The following SBF2 variants were observed in gnomAD, a reference collection of about 807,000 sequenced individuals.
SBF2 encodes myotubularin-related protein 13.
A neutral mutation model predicts 225.2 loss-of-function variants in SBF2; 112 were observed. That is an observed-to-expected ratio of 0.50 (90% CI 0.43 to 0.58). The LOEUF is 0.58. Among genes scored for constraint, SBF2 ranks in the 20% least tolerant of loss-of-function variants. The probability of loss-of-function intolerance (pLI) is 0.00; values close to 1 mark genes in which losing one functional copy is unlikely to be tolerated. For missense variants in SBF2, 1,996 were observed against 2,206.2 expected (o/e 0.90, Z 1.91); for synonymous variants, 763 against 773.3 (o/e 0.99, Z 0.22).
At chr11:9,817,424 A>G (rs796082829) in intron 28 of SBF2, among the ~76,000 whole-genome samples, 3 of 152,316 alleles carry the variant, frequency 2.0e-5, no homozygotes, top group African/African-American at 7.2e-5. Flanking sequence ...CTTCATGAAA[A>G]AAGTAAGGAA....
At chr11:9,929,000 C>T (rs1864273261) in intron 16 of SBF2, 3 of 482,172 alleles carry the variant, frequency 6.2e-6, no homozygotes, top group South Asian at 1.6e-5. Context: ...ATGCATTTGG[C>T]CCAGGAACTG....
At chr11:10,030,983 C>A in intron 4 of SBF2, 65 bp downstream of exon 4, 3 of 1,380,688 alleles carry the variant, frequency 2.2e-6, no homozygotes, top group South Asian at 2.4e-5. Context: ...AGAACTTGTA[C>A]CATGGTTCAT....
chr11:9,864,750 T>G (rs186959280), intron 17 of SBF2, among the ~76,000 whole-genome samples: 1 of 152,168 alleles, frequency 6.6e-6, no homozygotes, highest in South Asian at 2.1e-4. Flanking sequence ...TTAGTAAATA[T>G]TAAGAGTTCA....
At position 10,098,679 on chromosome 11, in the gene SBF2, G is replaced by GCACACACACA. The variant is rs56244507; in HGVS notation, c.142-55708_142-55699dup. On this transcript the variant is annotated intron_variant, in intron 2 of 39. Coordinates refer to ENST00000256190, the MANE Select transcript of SBF2 (RefSeq NM_030962.4). ...AATACAATCAACAAAGACAAAAAATGCACACACACACACACACACACACAC... is the reference window on the plus strand; with the variant it reads ...AATACAATCAACAAAGACAAAAAATGCACACACACACACACACACACACACACACACACAC... Among the ~76,000 whole-genome samples, 7 of 130,902 alleles carry GCACACACACA rather than the reference G, an allele frequency of 5.3e-5. No homozygotes were observed. In the South Asian group the frequency reaches 1.1e-3, roughly 20 times the overall value. 85.9% of individuals were successfully genotyped at this position (130,902 alleles called of 152,430 possible). A position where few individuals can be genotyped will look rare whatever the true frequency, so the allele number is the denominator to read the frequency against.
chr11:10,054,782 A>G (rs1005154835), intron 2 of SBF2, among the ~76,000 whole-genome samples: 1 of 152,164 alleles, frequency 6.6e-6, no homozygotes, highest in African/African-American at 2.4e-5. Flanking sequence ...AGATATACAA[A>G]CGGCCAGGAA....
At chr11:10,237,792 C>T (rs943548222) in intron 1 of SBF2, among the ~76,000 whole-genome samples, 1 of 152,212 alleles carries the variant, frequency 6.6e-6, no homozygotes, top group African/African-American at 2.4e-5. Context: ...ACTCCACATT[C>T]CTAAACCACC....
intron 16 of SBF2, among the ~76,000 whole-genome samples, chr11:9,940,872 G>T: frequency 6.6e-6 from 1 of 151,888 alleles, no homozygotes; most frequent in South Asian, 2.1e-4. Context: ...AGATACAAAG[G>T]CAAAGAGTTT....
intron 1 of SBF2, among the ~76,000 whole-genome samples, chr11:10,254,323 G>C (rs1960651801): frequency 6.6e-6 from 1 of 151,800 alleles, no homozygotes; most frequent in Non-Finnish European, 1.5e-5. Context: ...GAGCTCAGGA[G>C]GTCGAGACTG....
intron 1 of SBF2, among the ~76,000 whole-genome samples, chr11:10,292,718 G>C (rs1252090594): frequency 6.6e-6 from 1 of 151,788 alleles, no homozygotes; most frequent in Non-Finnish European, 1.5e-5. Context: ...AGTGGGGAGG[G>C]GGGGAGGCGG....
chr11:10,171,259 T>C (rs1956175049), intron 2 of SBF2, among the ~76,000 whole-genome samples: 1 of 152,290 alleles, frequency 6.6e-6, no homozygotes, highest in South Asian at 2.1e-4. Flanking sequence ...CCATTCATAA[T>C]GATATTAGCT....
chr11:10,169,818 T>C (rs1314441949), intron 2 of SBF2, among the ~76,000 whole-genome samples: 3 of 152,342 alleles, frequency 2.0e-5, no homozygotes, highest in Admixed American at 6.5e-5. Flanking sequence ...GGGTTCTCTT[T>C]TCTCCACATC....
chr11:10,296,322 C>G (rs763458148), upstream of SBF2, among the ~76,000 whole-genome samples: 4 of 152,026 alleles, frequency 2.6e-5, no homozygotes, highest in Non-Finnish European at 4.4e-5. Context: ...AAGACATACC[C>G]GAGACTAGGT....
At chr11:10,185,118 GT>G (rs373905613) in intron 2 of SBF2, among the ~76,000 whole-genome samples, 8,870 of 149,960 alleles carry the variant, frequency 0.059, 336 homozygotes, top group Middle Eastern at 0.14. Context: ...CTGGGGGGGG[GT>G]GTGTGTGTGC....
At chr11:9,786,233 T>A (rs1852364350) in intron 36 of SBF2, among the ~76,000 whole-genome samples, 1 of 152,186 alleles carries the variant, frequency 6.6e-6, no homozygotes, top group Non-Finnish European at 1.5e-5. Flanking sequence ...AGGTTTAAAA[T>A]AGTATGTCTA....
chr11:10,055,348 T>A (rs10840352), intron 2 of SBF2, among the ~76,000 whole-genome samples: 9,169 of 152,118 alleles, frequency 0.06, 563 homozygotes, highest in East Asian at 0.19. Context: ...GAACTAAAAG[T>A]AGATCTACCA....
At chr11:9,799,310 C>T (rs564479498) in intron 32 of SBF2, among the ~76,000 whole-genome samples, 1 of 152,274 alleles carries the variant, frequency 6.6e-6, no homozygotes, top group East Asian at 1.9e-4. Context: ...TTTTCCAAGG[C>T]CTCTTGTACC....
In SBF2 at chr11:9,779,795, C is replaced by T. The variant is rs919200510; in HGVS notation, c.*623G>A. The T allele has an allele frequency of 1.2e-5, 2 of 164,796 alleles. No homozygotes were observed. The highest frequency in any genetic ancestry group is 4.8e-5 in the African/African-American group (2 of 41,620). 10.2% of individuals were successfully genotyped at this position (164,796 alleles called of 1,614,324 possible). Reference sequence around the variant, plus strand: ...GGGCTGGTCATTGTTGTACCATTCCCTGGATAATCTTTTTCCATCAGAATA... The same window carrying T: ...GGGCTGGTCATTGTTGTACCATTCCTTGGATAATCTTTTTCCATCAGAATA... On this transcript the variant is annotated 3_prime_UTR_variant, in exon 40 of 40. Coordinates refer to ENST00000256190, the MANE Select transcript of SBF2 (RefSeq NM_030962.4).
intron 16 of SBF2, among the ~76,000 whole-genome samples, chr11:9,954,553 T>C (rs537280833): frequency 2.0e-5 from 3 of 152,324 alleles, no homozygotes; most frequent in African/African-American, 2.4e-5. Context: ...ATGTGCTTGA[T>C]GAAGCACAGG....
chr11:9,928,346 A>C (rs1004454245), intron 16 of SBF2, among the ~76,000 whole-genome samples: 1 of 152,230 alleles, frequency 6.6e-6, no homozygotes, highest in African/African-American at 2.4e-5. Flanking sequence ...GTATAAATCA[A>C]GATGTCCAAT....
Sources: gnomAD v4.1 joint callset for allele counts (sites outside exome capture counted in the v4.1 genomes callset) on GRCh38, gnomAD v4.1.1 for gene constraint, MANE v1.5 for transcripts, NCBI Gene and HGNC (gene_info 2026-07-23, HGNC 2026-07-21) for gene names.